Variants in UNC5D observed in about 807,000 individuals in gnomAD.
UNC5D encodes the protein netrin receptor UNC5D.
In UNC5D, 39 loss-of-function variants were observed where a neutral mutation model predicts 105.4. The observed-to-expected ratio is 0.37, with a 90% confidence interval of 0.29 to 0.48. The LOEUF (loss-of-function observed/expected upper bound fraction) is 0.48. UNC5D is among the 20% of genes least tolerant of loss of function. The probability of loss-of-function intolerance (pLI) is 0.98; values close to 1 mark genes in which losing one functional copy is unlikely to be tolerated. For synonymous variants in UNC5D, 452 were observed against 450.4 expected, an observed-to-expected ratio of 1.00 and a Z score of -0.04; for missense variants, 991 against 1,202.4, an observed-to-expected ratio of 0.82 and a Z score of 2.60.
In UNC5D at chr8:35,253,956, C is replaced by T. The variant is rs189466301; in HGVS notation, c.103+18069C>T. Reference sequence around the variant, plus strand: ...TGTTCTTCAAAAGAGTTCCTGCAAACGTTTTTGTTTTTATTTCCTACTGTT... The same window carrying T: ...TGTTCTTCAAAAGAGTTCCTGCAAATGTTTTTGTTTTTATTTCCTACTGTT... On this transcript the variant is annotated intron_variant, in intron 1 of 16. Coordinates refer to ENST00000404895, the MANE Select transcript of UNC5D (RefSeq NM_080872.4). 7.4e-4 allele frequency among the ~76,000 whole-genome samples: 113 copies of T among 152,220 alleles called. 1 individual carries two copies. In the South Asian group the frequency reaches 7.7e-3, roughly 10 times the overall value.
chr8:35,492,884 G>A (rs972738774), intron 1 of UNC5D, among the ~76,000 whole-genome samples: 3 of 152,140 alleles, frequency 2.0e-5, no homozygotes, highest in African/African-American at 7.2e-5. Context: ...TGCAAGCAAG[G>A]TCTCCTAGGT....
At chr8:35,303,486 T>C (rs2128872396) in intron 1 of UNC5D, among the ~76,000 whole-genome samples, 1 of 152,276 alleles carries the variant, frequency 6.6e-6, no homozygotes, top group South Asian at 2.1e-4. Flanking sequence ...TTAGAATTAA[T>C]TACTCAAAGG....
chr8:35,414,649 G>A (rs1362026830), intron 1 of UNC5D, among the ~76,000 whole-genome samples: 3 of 151,968 alleles, frequency 2.0e-5, no homozygotes, highest in Admixed American at 6.6e-5. Context: ...AGGAAGTTAA[G>A]CTTCTTGAAA....
intron 1 of UNC5D, among the ~76,000 whole-genome samples, chr8:35,338,198 T>C (rs769044945): frequency 2.2e-4 from 34 of 152,294 alleles, no homozygotes; most frequent in Non-Finnish European, 4.3e-4. Flanking sequence ...GATGTAGAAA[T>C]TGCACCAGAA....
intron 1 of UNC5D, among the ~76,000 whole-genome samples, chr8:35,409,927 C>CTTT (rs568203097): frequency 6.8e-6 from 1 of 146,564 alleles, no homozygotes; most frequent in African/African-American, 2.5e-5. Context: ...AATCTTAGCT[C>CTTT]TTTTTTTTTT....
At chr8:35,538,547 G>A (rs1372436174) in intron 1 of UNC5D, among the ~76,000 whole-genome samples, 3 of 151,248 alleles carry the variant, frequency 2.0e-5, no homozygotes, top group Non-Finnish European at 4.4e-5. Context: ...GCTTTGCAGT[G>A]TGTAGGAGGG....
chr8:35,284,958 G>A (rs2128854812), intron 1 of UNC5D, among the ~76,000 whole-genome samples: 1 of 152,214 alleles, frequency 6.6e-6, no homozygotes, highest in Middle Eastern at 3.4e-3. Context: ...TTGACCTGGG[G>A]TGCTTTTTTT....
rs149316147 is a variant in UNC5D at position 35,589,021 on chromosome 8, C to A, written c.467-6533C>A. Among the ~76,000 whole-genome samples the A allele has an allele frequency of 3.2e-3, 483 of 150,392 alleles. 3 individuals carry two copies. Among genetic ancestry groups the A allele is most frequent in the African/African-American group, 0.011 (437 of 40,864 alleles). ...TTGGGCCATTGCACTCCAGCCTGGG[C>A]GACAAGAGCAAGACTTCATCTCAAA... On this transcript the variant is annotated intron_variant, in intron 3 of 16. Coordinates refer to ENST00000404895, the MANE Select transcript of UNC5D (RefSeq NM_080872.4).
intron 1 of UNC5D, among the ~76,000 whole-genome samples, chr8:35,518,326 C>A (rs1345923173): frequency 6.6e-6 from 1 of 152,116 alleles, no homozygotes; most frequent in Non-Finnish European, 1.5e-5. Context: ...TAATATCCTT[C>A]CATTTTATTT....
At chr8:35,634,454 C>T (rs1453833631) in intron 4 of UNC5D, among the ~76,000 whole-genome samples, 4 of 152,150 alleles carry the variant, frequency 2.6e-5, no homozygotes, top group Non-Finnish European at 5.9e-5. Context: ...TGATTTGCAT[C>T]CCAAGGTCCT....
intron 2 of UNC5D, among the ~76,000 whole-genome samples, chr8:35,561,787 C>T (rs942798908): frequency 6.6e-6 from 1 of 151,812 alleles, no homozygotes; most frequent in Non-Finnish European, 1.5e-5. Flanking sequence ...TATTTTGGGG[C>T]ACTTGTGATA....
chr8:35,297,684 A>G (rs1361664914), intron 1 of UNC5D, among the ~76,000 whole-genome samples: 3 of 151,566 alleles, frequency 2.0e-5, no homozygotes, highest in African/African-American at 7.3e-5. Context: ...GTGTGTAGAT[A>G]AAGTTCTGGT....
chr8:35,494,922 C>G (rs530759342), intron 1 of UNC5D, among the ~76,000 whole-genome samples: 159 of 152,258 alleles, frequency 1.0e-3, no homozygotes, highest in African/African-American at 3.7e-3. Flanking sequence ...GAACATGACT[C>G]TGGCATTTAT....
chr8:35,613,129 G>A (rs1315212637), intron 4 of UNC5D, among the ~76,000 whole-genome samples: 3 of 152,172 alleles, frequency 2.0e-5, no homozygotes, highest in African/African-American at 4.8e-5. Flanking sequence ...CCAAGCTGGA[G>A]TGCAGTGGCA....
intron 1 of UNC5D, among the ~76,000 whole-genome samples, chr8:35,464,925 T>A (rs1809189475): frequency 6.6e-6 from 1 of 152,206 alleles, no homozygotes; most frequent in Admixed American, 6.5e-5. Context: ...GCCTTTACAG[T>A]GATTTTCATG....
chr8:35,309,089 C>T (rs1406365931), intron 1 of UNC5D, among the ~76,000 whole-genome samples: 1 of 152,122 alleles, frequency 6.6e-6, no homozygotes, highest in Non-Finnish European at 1.5e-5. Context: ...GGGTCGATCC[C>T]TAATCAGCTG....
intron 2 of UNC5D, among the ~76,000 whole-genome samples, chr8:35,555,901 A>G (rs200000461): frequency 0.19 from 28,160 of 144,952 alleles, 4,880 homozygotes; most frequent in African/African-American, 0.42. Flanking sequence ...ACACACACAC[A>G]CACACACACA....
chr8:35,526,994 A>C (rs1813922462), intron 1 of UNC5D, among the ~76,000 whole-genome samples: 1 of 152,108 alleles, frequency 6.6e-6, no homozygotes, highest in Admixed American at 6.5e-5. Context: ...CTCTCATCAC[A>C]TTTTATAAGG....
intron 1 of UNC5D, among the ~76,000 whole-genome samples, chr8:35,439,395 C>T (rs911711772): frequency 1.3e-5 from 2 of 152,020 alleles, no homozygotes; most frequent in African/African-American, 4.8e-5. Flanking sequence ...CCTTGTTGGC[C>T]AGTTGGGGGC....
Sources: gnomAD v4.1 joint callset for allele counts (sites outside exome capture counted in the v4.1 genomes callset) on GRCh38, gnomAD v4.1.1 for gene constraint, MANE v1.5 for transcripts, NCBI Gene and HGNC (gene_info 2026-07-23, HGNC 2026-07-21) for gene names.